The following DQX1 variants were observed in gnomAD, a reference collection of about 807,000 sequenced individuals.
DQX1 encodes the protein ATP-dependent RNA helicase homolog DQX1.
A neutral mutation model predicts 81.3 loss-of-function variants in DQX1; 66 were observed. That is an observed-to-expected ratio of 0.81 (90% CI 0.67 to 1.00). The LOEUF (loss-of-function observed/expected upper bound fraction) is 1.00. DQX1 is among the 50% of genes least tolerant of loss of function. DQX1 has a pLI of 0.00. For synonymous variants in DQX1, 290 were observed against 350.0 expected, an observed-to-expected ratio of 0.83 and a Z score of 1.91; for missense variants, 798 against 867.9, an observed-to-expected ratio of 0.92 and a Z score of 1.01.
chr2:74,524,878 T>C, intron 3 of DQX1, 131 bp downstream of exon 3: 1 of 1,219,300 alleles, frequency 8.2e-7, no homozygotes, highest in Non-Finnish European at 1.1e-6. Flanking sequence ...GTGAGACCCT[T>C]TCTCCAAAAT....
In DQX1 at chr2:74,525,972, C is replaced by T. The variant is rs902372234; in HGVS notation, c.-20+164G>A. ...AGTAGAAATCTACCTGAGACTATTA[C>T]CCCGTTGGCAGGTAGTAGAAATCTT... On this transcript the variant is annotated intron_variant, in intron 1 of 11. Coordinates refer to ENST00000404568, the MANE Select transcript of DQX1 (RefSeq NM_133637.3). This position sits in a 1 kb window ranked among gnomAD's most constrained non-coding sequence, Gnocchi z 4.1. Among the ~76,000 whole-genome samples, 1 of 152,186 alleles carries T rather than the reference C, an allele frequency of 6.6e-6. No homozygotes were observed. Among genetic ancestry groups the T allele is most frequent in the Non-Finnish European group, 1.5e-5 (1 of 68,044 alleles).
At position 74,526,154 on chromosome 2, in the gene DQX1, C is replaced by T. The variant is rs1455370199; in HGVS notation, c.-38G>A. On this transcript the variant is annotated 5_prime_UTR_variant, in exon 1 of 12. Coordinates refer to ENST00000404568, the MANE Select transcript of DQX1 (RefSeq NM_133637.3). ...TTCAAACCTGCTTGCAGCTCTAGGA[C>T]GTGTCAGGACGGCAGTCAGCTCCAG... 7 of 184,762 alleles carry T rather than the reference C, an allele frequency of 3.8e-5. No homozygotes were observed. The highest frequency in any genetic ancestry group is 2.3e-3 in the Middle Eastern group (1 of 444). The allele number at this position is 184,762 out of a possible 1,614,324, so 11.4% of individuals were successfully genotyped here. A position where few individuals can be genotyped will look rare whatever the true frequency, so the allele number is the denominator to read the frequency against.
rs149527100 is a variant in DQX1, at chr2:74,522,086, C to T, written c.1495+494G>A. 2.0e-5 allele frequency among the ~76,000 whole-genome samples: 3 copies of T among 152,242 alleles called. No individual in the cohort carries two copies. The East Asian group carries it at 5.8e-4, about 29-fold the overall frequency. On this transcript the variant is annotated intron_variant, in intron 8 of 11. Coordinates refer to ENST00000404568, the MANE Select transcript of DQX1 (RefSeq NM_133637.3). ...GTAGGATGAAATCCATGAGGAGCAG[C>T]GTTACAGAGGCCTAGGGAGGAGGCA...
rs1251706065 is a variant in DQX1 at position 74,518,572 on chromosome 2, C to G, written c.2028G>C (p.Leu676=). 4 of 1,614,042 alleles carry G rather than the reference C, an allele frequency of 2.5e-6. No homozygotes were observed. The highest frequency in any genetic ancestry group is 3.4e-6 in the Non-Finnish European group (4 of 1,180,032). ...TGCTCTCACTGGGAGGCAAGTTACT[C>G]AGGAAGTATGGAGGGGCCAATTCCA... is the stretch of plus-strand genomic sequence containing the variant. ...MLVELAPPYF[L]SNLPPSESRD... Residue 676 remains leucine (L), a synonymous_variant, in exon 12 of 12, where the codon CTG becomes CTC. Coordinates refer to ENST00000404568, the MANE Select transcript of DQX1 (RefSeq NM_133637.3).
Position 74,523,340 on chromosome 2 carries a change from A to G in DQX1, c.1014T>C (p.His338=), listed in dbSNP as rs1344847438. 1 of 1,613,972 alleles carries G rather than the reference A, an allele frequency of 6.2e-7. No individual in the cohort carries two copies. Among genetic ancestry groups the G allele is most frequent in the African/African-American group, 1.3e-5 (1 of 74,890 alleles). Residue 338 remains histidine, a synonymous_variant, in exon 5 of 12, where the codon CAT becomes CAC. Coordinates refer to ENST00000404568, the MANE Select transcript of DQX1 (RefSeq NM_133637.3). The stretch of plus-strand genomic sequence containing the variant: ...GGAGCTCCAGTCCTGAGTCGATGAC[A>G]TGTTGGATGGAAGGGAGGGAGAAGG... ...DFSFSLPSIQ[H]VIDSGLELRS...
chr2:74,523,431 A>G lies in DQX1; in HGVS notation c.923T>C (p.Val308Ala). 1 of 1,614,084 alleles carries G rather than the reference A, an allele frequency of 6.2e-7. No homozygotes were observed. The highest frequency in any genetic ancestry group is 8.5e-7 in the Non-Finnish European group (1 of 1,180,014). The change falls in exon 5 of 12, where the codon GTT becomes GCT. Residue 308 changes from valine (V) to alanine (A), a missense_variant. Coordinates refer to ENST00000404568, the MANE Select transcript of DQX1 (RefSeq NM_133637.3). ...LPLHPDCGRA[V>A]QAVYEDMDAR... ...ATCCATGTCCTCATACACAGCCTGA[A>G]CGGCTCGTCCACAGTCTGGGTGAAG...
chr2:74,518,614 A>G lies in DQX1; in HGVS notation c.1998-12T>C, dbSNP rs1674947889. 1.4e-5 allele frequency: 23 copies of G among 1,612,678 alleles called. No individual in the cohort carries two copies. Among genetic ancestry groups the G allele is most frequent in the Non-Finnish European group, 2.0e-5 (23 of 1,178,876 alleles). ...CCAATTCCACCAGCCTAATAGAGAGAGTCATAATTAGATGATCTGCATCTT... is the reference window on the plus strand; with the variant it reads ...CCAATTCCACCAGCCTAATAGAGAGGGTCATAATTAGATGATCTGCATCTT... On this transcript the variant is annotated splice_polypyrimidine_tract_variant and intron_variant, in intron 11 of 11. Transcript: ENST00000404568.
Position 74,519,079 on chromosome 2 carries a change from T to A in DQX1, c.1958A>T (p.Asp653Val), listed in dbSNP as rs1674958614. The change falls in exon 11 of 12, where the codon GAC becomes GTC. Residue 653 changes from aspartate (D) to valine (V), a missense_variant. Transcript: ENST00000404568. ...CTCAGAAACAATGGAAAGGCAGTTGTCTTTGGATATGGTGAAATTGTGGTA... is the reference window on the plus strand; with the variant it reads ...CTCAGAAACAATGGAAAGGCAGTTGACTTTGGATATGGTGAAATTGTGGTA... Reference protein sequence around the residue: ...VLYHNFTISKDNCLSIVSEIQ... With the variant: ...VLYHNFTISKVNCLSIVSEIQ... The A allele has an allele frequency of 1.3e-6, 2 of 1,597,606 alleles. No homozygotes were observed. The highest frequency in any genetic ancestry group is 1.7e-6 in the Non-Finnish European group (2 of 1,173,986).
chr2:74,520,068 A>G (rs200094784), intron 8 of DQX1, 34 bp from the exon 9 acceptor site: 87 of 1,600,736 alleles, frequency 5.4e-5, no homozygotes, highest in Non-Finnish European at 6.9e-5. Flanking sequence ...AGAATCTGCC[A>G]TTTGGGAAAT....
In DQX1 at chr2:74,525,065, A is replaced by C. The variant is rs1193809237; in HGVS notation, c.375T>G (p.His125Gln). Reference protein sequence around the residue: ...VADEMDLTLGHEVGYSIPQED... With the variant: ...VADEMDLTLGQEVGYSIPQED... The stretch of plus-strand genomic sequence containing the variant: ...CCTGGGGGATGCTGTATCCAACCTC[A>C]TGACCCAGGGTCAGGTCCATCTCAT... Residue 125 changes from histidine (H) to glutamine (Q), a missense_variant, in exon 3 of 12, where the codon CAT (histidine) becomes CAG (glutamine). Coordinates refer to ENST00000404568, the MANE Select transcript of DQX1 (RefSeq NM_133637.3). This position sits in a 1 kb window ranked among gnomAD's most constrained non-coding sequence, Gnocchi z 4.1. 2.5e-6 allele frequency: 4 copies of C among 1,614,096 alleles called. No individual in the cohort carries two copies. The South Asian group carries it at 4.4e-5, about 18-fold the overall frequency.
intron 8 of DQX1, 38 bp downstream of exon 8, chr2:74,522,542 G>A (rs767918963): frequency 5.7e-6 from 9 of 1,586,522 alleles, no homozygotes; most frequent in African/African-American, 2.7e-5. Flanking sequence ...GGGCTGAAGT[G>A]GTTTCAAGAG....
At chr2:74,521,744 C>CCTCTCCCCCTCTTTCCCTCTCCCT (rs1342018934) in intron 8 of DQX1, among the ~76,000 whole-genome samples, 5 of 144,472 alleles carry the variant, frequency 3.5e-5, no homozygotes, top group African/African-American at 1.3e-4. Context: ...CCTCTCTCCC[C>CCTCTCCCCCTCTTTCCCTCTCCCT]CTCTCCCCCT....
chr2:74,519,151 C>A lies in DQX1; in HGVS notation c.1886G>T (p.Cys629Phe). ...GGCAGGAGCTCTGCGGCTTCGGTAG[C>A]AGCAGTATGAGGAGAGCTGGGCCAC... is the stretch of plus-strand genomic sequence containing the variant. ...KHVAQLSSYC[C>F]YRSRRAPARP... The change falls in exon 11 of 12, where the codon TGC becomes TTC. Residue 629 changes from cysteine (C) to phenylalanine (F), a missense_variant. Cys to Phe is a radical substitution (Grantham distance 205). Coordinates refer to ENST00000404568, the MANE Select transcript of DQX1 (RefSeq NM_133637.3). 1 of 1,613,496 alleles carries A rather than the reference C, an allele frequency of 6.2e-7. No individual in the cohort carries two copies. The highest frequency in any genetic ancestry group is 2.2e-5 in the East Asian group (1 of 44,868).
At chr2:74,523,645 C>A in intron 4 of DQX1, 108 bp from the exon 5 acceptor site, 1 of 1,086,992 alleles carries the variant, frequency 9.2e-7, no homozygotes, top group Non-Finnish European at 1.3e-6. Context: ...TGAGAAAATG[C>A]AAATTACTCA....
chr2:74,521,774 CCCCTCTTTCCCTCT>C (rs1358993520), intron 8 of DQX1, among the ~76,000 whole-genome samples: 1 of 147,028 alleles, frequency 6.8e-6, no homozygotes, highest in African/African-American at 2.5e-5. Context: ...TCCCTCTCTC[CCCCTCTTTCCCTCT>C]CCCTCTCTCC....
chr2:74,524,364 G>A, intron 3 of DQX1, 57 bp from the exon 4 acceptor site: 1 of 1,546,554 alleles, frequency 6.5e-7, no homozygotes, highest in Non-Finnish European at 8.7e-7. Flanking sequence ...AGCCCCACAA[G>A]CTCAGGGAAT....
chr2:74,525,573 T>C lies in DQX1; in HGVS notation c.157A>G (p.Thr53Ala). ...TTACTCTCCAACTGCTCCAAGAAGG[T>C]AAAGCGAGCAGCCCAGATGGGCAAG... is the stretch of plus-strand genomic sequence containing the variant. ...QALPIWAARF[T>A]FLEQLESNPT... Residue 53 changes from threonine (T) to alanine (A), a missense_variant, in exon 2 of 12, where the codon ACC becomes GCC. By Grantham distance (58) the Thr-to-Ala change is moderately conservative. Transcript: ENST00000404568. This position sits in a 1 kb window ranked among gnomAD's most constrained non-coding sequence, Gnocchi z 4.1. 6.4e-7 allele frequency: 1 copy of C among 1,552,072 alleles called. No homozygotes were observed. Among genetic ancestry groups the C allele is most frequent in the South Asian group, 1.2e-5 (1 of 84,062 alleles).
In DQX1 at chr2:74,520,371, C is replaced by T. The variant is rs1363076266; in HGVS notation, c.1496-337G>A. ...AGGATGTGAGTGATGTAAGAGAAAA[C>T]GATGAGGACCCTTGGGCTAGTATTT... On this transcript the variant is annotated intron_variant, in intron 8 of 11. Coordinates refer to ENST00000404568, the MANE Select transcript of DQX1 (RefSeq NM_133637.3). 2.6e-5 allele frequency among the ~76,000 whole-genome samples: 4 copies of T among 152,254 alleles called. No homozygotes were observed. The South Asian group carries it at 8.3e-4, about 32-fold the overall frequency.
intron 8 of DQX1, 150 bp downstream of exon 8, chr2:74,522,430 G>C: frequency 1.1e-6 from 1 of 888,986 alleles, no homozygotes. Context: ...AGAGACAAGA[G>C]GGAGATGGGT....
Sources: gnomAD v4.1 joint callset for allele counts (sites outside exome capture counted in the v4.1 genomes callset) on GRCh38, gnomAD v4.1.1 for gene constraint, Gnocchi (gnomAD v3.1) non-coding constraint, MANE v1.5 for transcripts, NCBI Gene and HGNC (gene_info 2026-07-23, HGNC 2026-07-21) for gene names.